Variants in GABRB1 observed in about 807,000 individuals in gnomAD.
The protein encoded by GABRB1 is gamma-aminobutyric acid type A receptor subunit beta1, also known as gamma-aminobutyric acid receptor subunit beta-1.
A neutral mutation model predicts 51.6 loss-of-function variants in GABRB1; 17 were observed. That is an observed-to-expected ratio of 0.33 (90% CI 0.23 to 0.49). The LOEUF is 0.49. Ranked by LOEUF, GABRB1 falls within the 20% of genes least tolerant of loss-of-function variation. The pLI is 0.99. For missense variants in GABRB1, 410 were observed against 600.6 expected, an observed-to-expected ratio of 0.68 and a Z score of 3.32; for synonymous variants, 247 against 218.9, an observed-to-expected ratio of 1.13 and a Z score of -1.14.
intron 3 of GABRB1, among the ~76,000 whole-genome samples, chr4:47,136,874 T>C (rs1560552307): frequency 6.6e-6 from 1 of 152,066 alleles, no homozygotes; most frequent in Non-Finnish European, 1.5e-5. Context: ...ACATTTAATG[T>C]CTATATAAGC....
chr4:47,051,562 T>C (rs1726350620), intron 3 of GABRB1, among the ~76,000 whole-genome samples: 1 of 152,190 alleles, frequency 6.6e-6, no homozygotes, highest in Non-Finnish European at 1.5e-5. Flanking sequence ...AAGGCTTTTA[T>C]TTGTAGTGCT....
intron 4 of GABRB1, among the ~76,000 whole-genome samples, chr4:47,271,301 T>A (rs895017272): frequency 2.6e-5 from 4 of 152,134 alleles, no homozygotes; most frequent in Admixed American, 6.6e-5. Flanking sequence ...TAAGCTTGGA[T>A]AATAAAAGGT....
chr4:47,243,681 C>G (rs1721624969), intron 4 of GABRB1, among the ~76,000 whole-genome samples: 1 of 151,982 alleles, frequency 6.6e-6, no homozygotes, highest in Middle Eastern at 3.4e-3. Context: ...TGATTTGGCT[C>G]TCTATCTGTT....
At chr4:47,300,864 C>A (rs1474688892) in intron 4 of GABRB1, among the ~76,000 whole-genome samples, 1 of 152,048 alleles carries the variant, frequency 6.6e-6, no homozygotes, top group Non-Finnish European at 1.5e-5. Flanking sequence ...GACAAAGAGG[C>A]TATACAGATA....
intron 8 of GABRB1, among the ~76,000 whole-genome samples, chr4:47,414,443 T>C (rs1200172707): frequency 6.6e-6 from 1 of 152,190 alleles, no homozygotes; most frequent in Non-Finnish European, 1.5e-5. Context: ...GGTTGCATTC[T>C]TTTGAGTTTC....
At chr4:47,351,217 A>C (rs1313568753) in intron 5 of GABRB1, among the ~76,000 whole-genome samples, 1 of 152,194 alleles carries the variant, frequency 6.6e-6, no homozygotes, top group Admixed American at 6.5e-5. Context: ...AAACTGTGAC[A>C]TAATCACAAG....
intron 1 of GABRB1, among the ~76,000 whole-genome samples, chr4:47,025,653 T>C (rs989493955): frequency 1.3e-5 from 2 of 152,008 alleles, no homozygotes; most frequent in Non-Finnish European, 2.9e-5. Flanking sequence ...TTAGCAATGT[T>C]CTTATCTCAG....
chr4:47,170,380 TACACACAC>T (rs10555441), intron 4 of GABRB1, among the ~76,000 whole-genome samples: 13 of 148,910 alleles, frequency 8.7e-5, no homozygotes, highest in Non-Finnish European at 1.8e-4. Flanking sequence ...ACAGATCCAC[TACACACAC>T]ACACACACAC....
At chr4:47,358,526 G>T (rs996371588) in intron 5 of GABRB1, among the ~76,000 whole-genome samples, 2 of 152,080 alleles carry the variant, frequency 1.3e-5, no homozygotes, top group African/African-American at 4.8e-5. Flanking sequence ...ACCCAGGGAA[G>T]AGTTGCTGTT....
chr4:47,374,353 C>T (rs1001541022), intron 5 of GABRB1, among the ~76,000 whole-genome samples: 1 of 152,164 alleles, frequency 6.6e-6, no homozygotes, highest in African/African-American at 2.4e-5. Flanking sequence ...CGTAACACTG[C>T]ACTCCAGCCT....
chr4:47,412,127 C>G (rs928577860), intron 8 of GABRB1, among the ~76,000 whole-genome samples: 3 of 152,146 alleles, frequency 2.0e-5, no homozygotes, highest in African/African-American at 7.2e-5. Context: ...AATAAGACTT[C>G]CATGATAGTG....
At chr4:47,124,345 A>G (rs1177327216) in intron 3 of GABRB1, among the ~76,000 whole-genome samples, 1 of 152,122 alleles carries the variant, frequency 6.6e-6, no homozygotes, top group South Asian at 2.1e-4. Flanking sequence ...AGGCAGTACC[A>G]TTAGCCCCAG....
intron 4 of GABRB1, among the ~76,000 whole-genome samples, chr4:47,174,905 CTTCT>C (rs1484369657): frequency 7.3e-6 from 1 of 136,368 alleles, no homozygotes; most frequent in East Asian, 2.3e-4. Context: ...TCCTTCCTTC[CTTCT>C]TTCCTTCCTT....
chr4:47,245,044 C>T (rs1240358223), intron 4 of GABRB1, among the ~76,000 whole-genome samples: 4 of 151,924 alleles, frequency 2.6e-5, no homozygotes, highest in African/African-American at 7.2e-5. Context: ...TCAAAAAATC[C>T]GTGAATCCAG....
chr4:47,312,539 C>T (rs937089743), intron 4 of GABRB1, among the ~76,000 whole-genome samples: 3 of 152,130 alleles, frequency 2.0e-5, no homozygotes, highest in Admixed American at 6.6e-5. Flanking sequence ...GCTAAACAAG[C>T]CATTCTTCAA....
intron 4 of GABRB1, among the ~76,000 whole-genome samples, chr4:47,225,110 G>C (rs1446322480): frequency 6.6e-6 from 1 of 152,074 alleles, no homozygotes; most frequent in Non-Finnish European, 1.5e-5. Flanking sequence ...GGTCAGGCTG[G>C]TCTCGAATTC....
At chr4:47,007,413 G>A (rs1329236916) in intron 1 of GABRB1, among the ~76,000 whole-genome samples, 1 of 152,130 alleles carries the variant, frequency 6.6e-6, no homozygotes, top group Non-Finnish European at 1.5e-5. Flanking sequence ...AATTATAGTG[G>A]GATGTTTTAA....
intron 8 of GABRB1, among the ~76,000 whole-genome samples, chr4:47,411,912 A>G (rs1205590304): frequency 6.6e-6 from 1 of 152,228 alleles, no homozygotes; most frequent in Non-Finnish European, 1.5e-5. Flanking sequence ...AATTTTTATT[A>G]GATGAATTAA....
chr4:47,259,822 C>A (rs1277768058), intron 4 of GABRB1, among the ~76,000 whole-genome samples: 2 of 152,128 alleles, frequency 1.3e-5, no homozygotes, highest in Non-Finnish European at 2.9e-5. Context: ...ATTCTCAACC[C>A]TAGCTTTTAC....
Sources: gnomAD v4.1 joint callset for allele counts (sites outside exome capture counted in the v4.1 genomes callset) on GRCh38, gnomAD v4.1.1 for gene constraint, MANE v1.5 for transcripts, NCBI Gene and HGNC (gene_info 2026-07-23, HGNC 2026-07-21) for gene names.